The following ITPR3 variants were observed in gnomAD, a reference collection of about 807,000 sequenced individuals.
ITPR3 encodes the protein inositol 1,4,5-trisphosphate receptor type 3, also known as inositol 1,4,5-trisphosphate-gated calcium channel ITPR3.
ITPR3 carries 173 observed loss-of-function variants against 293.2 expected under a neutral mutation model. The ratio of observed to expected loss-of-function variants is 0.59; its 90% CI spans 0.52 to 0.67. The LOEUF (loss-of-function observed/expected upper bound fraction) is 0.67. ITPR3 is among the 30% of genes least tolerant of loss of function. ITPR3 has a pLI of 0.00. For synonymous variants in ITPR3, 1,295 were observed against 1,444.4 expected (o/e 0.90, Z 2.35); for missense variants, 2,796 against 3,592.1 (o/e 0.78, Z 5.66).
At position 33,663,932 on chromosome 6, in the gene ITPR3, C is replaced by T. The variant is rs753841642; in HGVS notation, c.1148+52C>T. The T allele has an allele frequency of 2.5e-5, 40 of 1,603,256 alleles. No individual in the cohort carries two copies. In the South Asian group the frequency reaches 3.8e-4, roughly 15 times the overall value. ...TTGACTGGTGGTGCTCAGGGTGGGC[C>T]CTCCTGTCTCTGGGACTCTCTGGAT... On this transcript the variant is annotated intron_variant, in intron 11 of 57. Coordinates refer to ENST00000605930, the MANE Select transcript of ITPR3 (RefSeq NM_002224.4).
rs371575225 is a variant in ITPR3, at chr6:33,665,818, C to T, written c.1410-17C>T. The T allele has an allele frequency of 3.0e-5, 48 of 1,613,284 alleles. No individual in the cohort carries two copies. The highest frequency in any genetic ancestry group is 9.3e-5 in the African/African-American group (7 of 74,910). ...GTGGGTATCTCACACTCGTCATCCC[C>T]GGGTCCCCTCACCCAGGTTTGTCAT... On this transcript the variant is annotated splice_polypyrimidine_tract_variant and intron_variant, in intron 13 of 57. Coordinates refer to ENST00000605930, the MANE Select transcript of ITPR3 (RefSeq NM_002224.4).
chr6:33,689,569 C>T (rs762200532), intron 50 of ITPR3, among the ~76,000 whole-genome samples, 159 bp downstream of exon 50: 1 of 152,216 alleles, frequency 6.6e-6, no homozygotes, highest in African/African-American at 2.4e-5. Flanking sequence ...AGGGACTGTT[C>T]TGTACCTTCT....
Position 33,657,979 on chromosome 6 carries a change from G to A in ITPR3, c.330G>A (p.Lys110=), listed in dbSNP as rs924068343. 30 of 1,613,848 alleles carry A rather than the reference G, an allele frequency of 1.9e-5. No individual in the cohort carries two copies. Among genetic ancestry groups the A allele is most frequent in the Non-Finnish European group, 2.5e-5 (29 of 1,179,922 alleles). Residue 110 remains lysine, a synonymous_variant, in exon 4 of 58, where the codon AAG becomes AAA. Transcript: ENST00000605930. ...EQKQNDTENK[K]VHGDVVKYGS... ...AGCAAAATGACACGGAGAACAAGAA[G>A]GTGCATGGGGATGTCGTGAAGTATG... is the stretch of plus-strand genomic sequence containing the variant.
At position 33,679,739 on chromosome 6, in the gene ITPR3, A is replaced by G; in HGVS notation, c.3973-143A>G. 5.4e-6 allele frequency: 6 copies of G among 1,121,418 alleles called. No individual in the cohort carries two copies. The highest frequency in any genetic ancestry group is 6.2e-6 in the Non-Finnish European group (5 of 811,520). The allele number at this position is 1,121,418 out of a possible 1,614,324, so 69.5% of individuals were successfully genotyped here. A position where few individuals can be genotyped will look rare whatever the true frequency, so the allele number is the denominator to read the frequency against. ...CTGAGACATCAGCTGGGGAACCCCC[A>G]AATCCCAGCCAGGGGAGGGTTTTCC... On this transcript the variant is annotated intron_variant, in intron 30 of 57. Coordinates refer to ENST00000605930, the MANE Select transcript of ITPR3 (RefSeq NM_002224.4). The surrounding 1 kb of genome is among the most constrained non-coding windows in gnomAD (Gnocchi z 4.2).
Position 33,688,354 on chromosome 6 carries a change from AGG to A in ITPR3, c.6493_6494del (p.Gly2165GlnfsTer147). The A allele has an allele frequency of 6.2e-7, 1 of 1,602,304 alleles. No individual in the cohort carries two copies. ...TTCACCACTACTGAGCAGGACGAGC[AGG>A]GCAGCAAAGTGAGCGACTTCTTCGA... On this transcript the variant is annotated frameshift_variant, in exon 48 of 58. Transcript: ENST00000605930. LOFTEE classifies it high-confidence loss of function.
In ITPR3 at chr6:33,687,044, G is replaced by C; in HGVS notation, c.6015G>C (p.Glu2005Asp). 6.2e-7 allele frequency: 1 copy of C among 1,614,012 alleles called. No homozygotes were observed. The highest frequency in any genetic ancestry group is 8.5e-7 in the Non-Finnish European group (1 of 1,179,984). ...CCAAGCTGCTCCTGGCTCTGATGGA[G>C]AGCCGGCATGACAGTGAAAATGCTG... Reference protein sequence around the residue: ...NASKLLLALMESRHDSENAER... With the variant: ...NASKLLLALMDSRHDSENAER... The change falls in exon 44 of 58, where the codon GAG becomes GAC. Residue 2005 changes from glutamate to aspartate, a missense_variant. Physicochemically the swap from Glu to Asp is conservative, Grantham distance 45. Transcript: ENST00000605930. The surrounding 1 kb of genome is among the most constrained non-coding windows in gnomAD (Gnocchi z 5.3).
chr6:33,643,333 AG>A (rs1763991133), intron 2 of ITPR3, among the ~76,000 whole-genome samples: 1 of 152,148 alleles, frequency 6.6e-6, no homozygotes, highest in African/African-American at 2.4e-5. Context: ...GGACTCGCAA[AG>A]CCCCCACCAC....
At chr6:33,645,558 G>C (rs987471407) in intron 2 of ITPR3, among the ~76,000 whole-genome samples, 1 of 152,130 alleles carries the variant, frequency 6.6e-6, no homozygotes, top group Non-Finnish European at 1.5e-5. Context: ...CCTTAGGCTC[G>C]TGTGCTCGGG....
At chr6:33,646,916 CAA>C in intron 2 of ITPR3, among the ~76,000 whole-genome samples, 1 of 147,200 alleles carries the variant, frequency 6.8e-6, no homozygotes, top group South Asian at 2.2e-4. Context: ...GATCCTGTCT[CAA>C]AAAAAAAGAT....
In ITPR3 at chr6:33,694,157, C is replaced by A. The variant is rs565834755; in HGVS notation, c.7785+452C>A. 4 of 160,656 alleles carry A rather than the reference C, an allele frequency of 2.5e-5. No homozygotes were observed. In the South Asian group the frequency reaches 7.3e-4, roughly 29 times the overall value. The allele number at this position is 160,656 out of a possible 1,614,324, so 10.0% of individuals were successfully genotyped here. On this transcript the variant is annotated intron_variant, in intron 56 of 57. Coordinates refer to ENST00000605930, the MANE Select transcript of ITPR3 (RefSeq NM_002224.4). ...AGCTCGGTGGGAAGGCAGGCTGCTT[C>A]CTAAAAAGTCTGAATTAGATGATCC...
chr6:33,647,913 G>A (rs1561856598), intron 2 of ITPR3, among the ~76,000 whole-genome samples: 1 of 152,016 alleles, frequency 6.6e-6, no homozygotes, highest in Non-Finnish European at 1.5e-5. Context: ...GCGGGAGCTC[G>A]GTGATTGCCA....
At chr6:33,663,061 G>A in intron 9 of ITPR3, 55 bp downstream of exon 9, 2 of 1,471,930 alleles carry the variant, frequency 1.4e-6, no homozygotes, top group South Asian at 2.4e-5. Context: ...ACACGTGGGT[G>A]TGCGGGAACA....
In ITPR3 at chr6:33,668,925, G is replaced by A. The variant is rs200120518; in HGVS notation, c.2007-49G>A. ...GGTGTGCTCAGGGAGGGGTCCAGGC[G>A]TAGTGCCCTGGACCTGGCTCCCTGT... On this transcript the variant is annotated intron_variant, in intron 17 of 57. Coordinates refer to ENST00000605930, the MANE Select transcript of ITPR3 (RefSeq NM_002224.4). The A allele has an allele frequency of 4.4e-4, 699 of 1,575,218 alleles. 4 individuals are homozygous for A. Among genetic ancestry groups the A allele is most frequent in the Non-Finnish European group, 1.3e-4 (148 of 1,152,340 alleles).
intron 6 of ITPR3, 23 bp from the exon 7 acceptor site, chr6:33,659,443 C>T (rs746072564): frequency 2.9e-5 from 46 of 1,610,042 alleles, no homozygotes; most frequent in Admixed American, 2.8e-4. Flanking sequence ...CCTGGCGTCA[C>T]GGGTCTTGTC....
At chr6:33,649,991 G>A (rs148734557) in intron 2 of ITPR3, among the ~76,000 whole-genome samples, 928 of 152,286 alleles carry the variant, frequency 6.1e-3, no homozygotes, top group Middle Eastern at 0.01. Flanking sequence ...ATAGCCTCTT[G>A]CCTGCAGCCT....
At chr6:33,676,640 G>C in intron 25 of ITPR3, 128 bp from the exon 26 acceptor site, 2 of 1,112,310 alleles carry the variant, frequency 1.8e-6, no homozygotes, top group Non-Finnish European at 2.6e-6. Flanking sequence ...AGTGGGAATC[G>C]GCTCGGTGGA....
rs1008468294 is a variant in ITPR3, at chr6:33,624,493, T to C, written c.89+2802T>C. Among the ~76,000 whole-genome samples the C allele has an allele frequency of 2.6e-5, 4 of 152,262 alleles. No individual in the cohort carries two copies. Among genetic ancestry groups the C allele is most frequent in the African/African-American group, 9.6e-5 (4 of 41,464 alleles). Reference sequence around the variant, plus strand: ...GTGCCCGTCCTACTGAATGAGAATCTGCATTTTATTAAGATCCCCAGGGGA... The same window carrying C: ...GTGCCCGTCCTACTGAATGAGAATCCGCATTTTATTAAGATCCCCAGGGGA... On this transcript the variant is annotated intron_variant, in intron 1 of 57. Transcript: ENST00000605930. This position sits in a 1 kb window ranked among gnomAD's most constrained non-coding sequence, Gnocchi z 4.7.
rs932885617 is a variant in ITPR3, at chr6:33,678,955, C to T, written c.3972+116C>T. On this transcript the variant is annotated intron_variant, in intron 30 of 57. Transcript: ENST00000605930. ...GACGGTGGGTCACAAAAGGAACACT[C>T]AGCTGCTGACCATGGAGGGGACGCA... The T allele has an allele frequency of 5.8e-6, 6 of 1,034,186 alleles. No individual in the cohort carries two copies. The African/African-American group carries it at 6.3e-5, about 11-fold the overall frequency. 64.1% of individuals were successfully genotyped at this position (1,034,186 alleles called of 1,614,324 possible).
At chr6:33,634,478 C>T (rs992082759) in intron 1 of ITPR3, among the ~76,000 whole-genome samples, 1 of 152,228 alleles carries the variant, frequency 6.6e-6, no homozygotes, top group Non-Finnish European at 1.5e-5. Context: ...CTGCCCAGGG[C>T]TTGCTTCTCT....
Sources: allele counts gnomAD v4.1 joint callset (sites outside exome capture counted in the v4.1 genomes callset), GRCh38; gene constraint gnomAD v4.1.1; non-coding constraint Gnocchi (gnomAD v3.1); transcripts MANE v1.5; gene names NCBI Gene and HGNC (gene_info 2026-07-23, HGNC 2026-07-21).